The following EML4 variants were observed in gnomAD, a reference collection of about 807,000 sequenced individuals.
EML4 encodes echinoderm microtubule-associated protein-like 4.
A neutral mutation model predicts 129.0 loss-of-function variants in EML4; 72 were observed. The observed-to-expected ratio is 0.56, with a 90% CI of 0.46 to 0.68. The LOEUF (loss-of-function observed/expected upper bound fraction) is 0.68. Among genes scored for constraint, EML4 ranks in the 30% least tolerant of loss-of-function variants. The probability of loss-of-function intolerance (pLI) is 0.00; values close to 1 mark genes in which losing one functional copy is unlikely to be tolerated. For synonymous variants in EML4, 532 were observed against 405.0 expected, an observed-to-expected ratio of 1.31 and a Z score of -3.77; for missense variants, 1,363 against 1,190.6, an observed-to-expected ratio of 1.14 and a Z score of -2.13.
In EML4 at chr2:42,284,719, T is replaced by G. The variant is rs377277352; in HGVS notation, c.1011+16T>G. The G allele has an allele frequency of 2.5e-6, 4 of 1,587,082 alleles. No individual in the cohort carries two copies. The East Asian group carries it at 9.0e-5, about 36-fold the overall frequency. On this transcript the variant is annotated intron_variant, in intron 9 of 22. Coordinates refer to ENST00000318522, the MANE Select transcript of EML4 (RefSeq NM_019063.5). ...AGATGGAAGGGTGAGTGGCATAGTG[T>G]TATGCCTTCTGTACCTAGAGACATT...
intron 2 of EML4, among the ~76,000 whole-genome samples, chr2:42,254,282 C>T (rs1389192663): frequency 6.6e-6 from 1 of 152,028 alleles, no homozygotes; most frequent in Non-Finnish European, 1.5e-5. Flanking sequence ...TGGCAAAACC[C>T]TGTCTCTACG....
chr2:42,332,432 A>G lies in EML4; in HGVS notation c.*2225A>G, dbSNP rs567361456. The G allele has an allele frequency of 4.9e-6, 1 of 202,970 alleles. No individual in the cohort carries two copies. The highest frequency in any genetic ancestry group is 1.9e-4 in the South Asian group (1 of 5,258). 12.6% of individuals were successfully genotyped at this position (202,970 alleles called of 1,614,324 possible). Reference sequence around the variant, plus strand: ...TTTTTAGAAAAACTTGTGAATGAAAATGAATCCAAGTGTTTCATGTGAAGA... The same window carrying G: ...TTTTTAGAAAAACTTGTGAATGAAAGTGAATCCAAGTGTTTCATGTGAAGA... On this transcript the variant is annotated 3_prime_UTR_variant, in exon 23 of 23. Transcript: ENST00000318522.
intron 1 of EML4, among the ~76,000 whole-genome samples, chr2:42,199,589 C>T (rs1188726788): frequency 1.3e-5 from 2 of 152,086 alleles, no homozygotes; most frequent in African/African-American, 2.4e-5. Flanking sequence ...GAATAGTTGC[C>T]GTTTTGACTC....
intron 16 of EML4, among the ~76,000 whole-genome samples, chr2:42,304,185 A>G (rs778599690): frequency 1.1e-4 from 16 of 152,124 alleles, no homozygotes; most frequent in Non-Finnish European, 2.4e-4. Flanking sequence ...CAAGAGGTGT[A>G]TATAAGTTCT....
Position 42,208,894 on chromosome 2 carries a change from A to G in EML4, c.26-36611A>G, listed in dbSNP as rs534803011. ...CCTTGTAACCACAGTCTAGAACAAG[A>G]AATAGAAGTTAGTCACTTCAGAAGT... On this transcript the variant is annotated intron_variant, in intron 1 of 22. Transcript: ENST00000318522. Among the ~76,000 whole-genome samples, 12 of 152,160 alleles carry G rather than the reference A, an allele frequency of 7.9e-5. No homozygotes were observed. In the East Asian group the frequency reaches 2.1e-3, roughly 27 times the overall value.
intron 1 of EML4, among the ~76,000 whole-genome samples, chr2:42,191,700 A>C (rs1439021348): frequency 6.6e-6 from 1 of 152,174 alleles, no homozygotes; most frequent in East Asian, 1.9e-4. Context: ...ACCTATTTGT[A>C]TTATGCTCAG....
In EML4 at chr2:42,181,166, A is replaced by T. The variant is rs113392126; in HGVS notation, c.25+11530A>T. Among the ~76,000 whole-genome samples, 926 of 152,166 alleles carry T rather than the reference A, an allele frequency of 6.1e-3. 14 individuals are homozygous for T. The highest frequency in any genetic ancestry group is 0.021 in the African/African-American group (864 of 41,504). ...ATTGCAAAATTATTTTTCTTGTTTTACTTGTTTTAGCTGGTAGTTGATAGC... is the reference window on the plus strand; with the variant it reads ...ATTGCAAAATTATTTTTCTTGTTTTTCTTGTTTTAGCTGGTAGTTGATAGC... On this transcript the variant is annotated intron_variant, in intron 1 of 22. Coordinates refer to ENST00000318522, the MANE Select transcript of EML4 (RefSeq NM_019063.5).
chr2:42,309,001 C>G (rs1475225515), intron 17 of EML4, among the ~76,000 whole-genome samples: 1 of 152,178 alleles, frequency 6.6e-6, no homozygotes, highest in Non-Finnish European at 1.5e-5. Flanking sequence ...CACTTTTTGG[C>G]TACTATGAAT....
chr2:42,266,533 G>C (rs1666074207), intron 6 of EML4, among the ~76,000 whole-genome samples: 2 of 151,826 alleles, frequency 1.3e-5, no homozygotes, highest in Non-Finnish European at 2.9e-5. Flanking sequence ...TCATAGAGAT[G>C]GGGTCTCACT....
At chr2:42,221,567 G>A (rs1673600173) in intron 1 of EML4, among the ~76,000 whole-genome samples, 1 of 151,478 alleles carries the variant, frequency 6.6e-6, no homozygotes, top group African/African-American at 2.4e-5. Flanking sequence ...ACCCAACCAT[G>A]CCTGACTAAT....
chr2:42,248,211 A>C (rs1675537530), intron 2 of EML4, among the ~76,000 whole-genome samples: 1 of 152,140 alleles, frequency 6.6e-6, no homozygotes, highest in Non-Finnish European at 1.5e-5. Context: ...CCTGGGCTCA[A>C]GTGATCTACC....
At chr2:42,325,625 T>TATATATATATAC in intron 20 of EML4, 71 bp downstream of exon 20, 1 of 118,388 alleles carries the variant, frequency 8.4e-6, no homozygotes, top group Non-Finnish European at 1.4e-5. Flanking sequence ...TATATATATA[T>TATATATATATAC]ATATATATAT....
At position 42,331,489 on chromosome 2, in the gene EML4, C is replaced by G. The variant is rs550624336; in HGVS notation, c.*1282C>G. 3.6e-5 allele frequency: 8 copies of G among 223,416 alleles called. No individual in the cohort carries two copies. The highest frequency in any genetic ancestry group is 1.4e-3 in the Middle Eastern group (1 of 712). 13.8% of individuals were successfully genotyped at this position (223,416 alleles called of 1,614,324 possible). A position where few individuals can be genotyped will look rare whatever the true frequency, so the allele number is the denominator to read the frequency against. On this transcript the variant is annotated 3_prime_UTR_variant, in exon 23 of 23. Transcript: ENST00000318522. The stretch of plus-strand genomic sequence containing the variant: ...AGTAATTACTGACAAATATGTATTT[C>G]CTATATGTTTATACTTTGATTATAA...
chr2:42,302,872 A>G (rs546593176), intron 14 of EML4, among the ~76,000 whole-genome samples: 1 of 152,264 alleles, frequency 6.6e-6, no homozygotes, highest in East Asian at 1.9e-4. Flanking sequence ...CTAAAGTCAT[A>G]TAAAATATAC....
Position 42,261,312 on chromosome 2 carries a change from G to C in EML4, c.512+18G>C. ...ACCAAAAGGTTTTAACTGTCCCCAA[G>C]TACAGAGCTAGGGAATGGTTGTAAT... is the stretch of plus-strand genomic sequence containing the variant. On this transcript the variant is annotated intron_variant, in intron 4 of 22. Transcript: ENST00000318522. 1.2e-6 allele frequency: 2 copies of C among 1,602,112 alleles called. No individual in the cohort carries two copies. The highest frequency in any genetic ancestry group is 8.5e-7 in the Non-Finnish European group (1 of 1,173,742).
In EML4 at chr2:42,329,724, T is replaced by C. The variant is rs1415175987; in HGVS notation, c.2473-10T>C. 6.2e-7 allele frequency: 1 copy of C among 1,607,980 alleles called. No homozygotes were observed. The highest frequency in any genetic ancestry group is 8.5e-7 in the Non-Finnish European group (1 of 1,175,318). ...TTAATTTTCCTGTCTGTCTGATTTA[T>C]TTCATATAGGCTCCCAGTCACAAGT... On this transcript the variant is annotated splice_polypyrimidine_tract_variant and intron_variant, in intron 22 of 22. Coordinates refer to ENST00000318522, the MANE Select transcript of EML4 (RefSeq NM_019063.5).
intron 5 of EML4, 103 bp from the exon 6 acceptor site, chr2:42,264,603 A>G: frequency 1.4e-6 from 1 of 724,048 alleles, no homozygotes; most frequent in Non-Finnish European, 2.4e-6. Context: ...ATTTATCTAG[A>G]TTATAGCCTA....
chr2:42,291,181 A>G (rs1667620405), intron 11 of EML4, among the ~76,000 whole-genome samples: 1 of 152,200 alleles, frequency 6.6e-6, no homozygotes, highest in East Asian at 1.9e-4. Flanking sequence ...TTGGATACTC[A>G]TATGAAAAAA....
chr2:42,303,176 C>G lies in EML4; in HGVS notation c.1714C>G (p.Arg572Gly), dbSNP rs770664063. 3.1e-6 allele frequency: 5 copies of G among 1,613,898 alleles called. No individual in the cohort carries two copies. Among genetic ancestry groups the G allele is most frequent in the Non-Finnish European group, 4.2e-6 (5 of 1,179,990 alleles). ...KADQFLVGTSRNFILRGTFND... is the reference protein window; with the variant it reads ...KADQFLVGTSGNFILRGTFND... The stretch of plus-strand genomic sequence containing the variant: ...AGATCAATTTTTAGTAGGCACATCA[C>G]GAAACTTTATTTTACGAGGAACATT... Residue 572 changes from arginine to glycine, a missense_variant, in exon 15 of 23, where the codon CGA (arginine) becomes GGA (glycine). Arg to Gly is a moderately radical substitution (Grantham distance 125). Transcript: ENST00000318522.
Sources: gnomAD v4.1 joint callset for allele counts (sites outside exome capture counted in the v4.1 genomes callset) on GRCh38, gnomAD v4.1.1 for gene constraint, MANE v1.5 for transcripts, NCBI Gene and HGNC (gene_info 2026-07-23, HGNC 2026-07-21) for gene names.